UTS2B: variants seen among roughly 807,000 people sequenced by gnomAD.
The protein encoded by UTS2B is urotensin-2B.
Under a neutral mutation model 19.2 loss-of-function variants are expected in UTS2B, and 21 were observed. The observed-to-expected ratio is 1.09, with a 90% CI of 0.78 to 1.58. The LOEUF is 1.58. Among genes scored for constraint, UTS2B ranks in the 40% most tolerant of loss-of-function variants. The pLI, the probability that UTS2B is intolerant of heterozygous loss-of-function variation, is 0.00. For synonymous variants in UTS2B, 57 were observed against 50.2 expected (o/e 1.14, Z -0.58); for missense variants, 138 against 130.3 (o/e 1.06, Z -0.29).
chr3:191,336,660 CT>C, the UTS2B span, among the ~76,000 whole-genome samples: 1 of 152,266 alleles, frequency 6.6e-6, no homozygotes, highest in South Asian at 2.1e-4. Flanking sequence ...CCTAGCCCTA[CT>C]TGATATTAGC....
chr3:191,285,162 C>T (rs982286188), intron 4 of UTS2B, among the ~76,000 whole-genome samples: 27 of 152,064 alleles, frequency 1.8e-4, no homozygotes, highest in Non-Finnish European at 3.7e-4. Flanking sequence ...AAGGAATACA[C>T]AATATAAAAT....
chr3:191,335,939 C>T, the UTS2B span, among the ~76,000 whole-genome samples: 1 of 151,104 alleles, frequency 6.6e-6, no homozygotes, highest in African/African-American at 2.4e-5. Context: ...TTTCATGCCC[C>T]CACCAGCCAC....
At chr3:191,329,461 C>T (rs1343151384) in intron 1 of UTS2B, 3 of 471,990 alleles carry the variant, frequency 6.4e-6, no homozygotes, top group Non-Finnish European at 1.1e-5. Context: ...CGCGGCGGGG[C>T]AGCTGGGCCG....
At chr3:191,314,349 C>T (rs1007050555) in intron 3 of UTS2B, among the ~76,000 whole-genome samples, 10 of 152,142 alleles carry the variant, frequency 6.6e-5, no homozygotes, top group African/African-American at 2.4e-4. Flanking sequence ...GGTCAGCAGT[C>T]GTGCATTCTA....
At chr3:191,320,172 A>T (rs904157711) in intron 2 of UTS2B, among the ~76,000 whole-genome samples, 1 of 152,182 alleles carries the variant, frequency 6.6e-6, no homozygotes, top group African/African-American at 2.4e-5. Context: ...ATGGAATGAC[A>T]GATTGGATTG....
intron 4 of UTS2B, among the ~76,000 whole-genome samples, chr3:191,285,991 G>A (rs927827292): frequency 6.6e-6 from 1 of 152,108 alleles, no homozygotes; most frequent in African/African-American, 2.4e-5. Context: ...GCTTATATCA[G>A]ATAAAATAGA....
chr3:191,333,605 T>C (rs746265188), upstream of UTS2B, among the ~76,000 whole-genome samples: 1 of 152,194 alleles, frequency 6.6e-6, no homozygotes, highest in African/African-American at 2.4e-5. Flanking sequence ...GGTTTATGTC[T>C]TAGTTATCTT....
intron 3 of UTS2B, among the ~76,000 whole-genome samples, chr3:191,311,857 T>C (rs769535235): frequency 1.1e-4 from 16 of 152,082 alleles, no homozygotes; most frequent in African/African-American, 3.6e-4. Flanking sequence ...TTTGACATCT[T>C]GGCCAAGTGC....
At chr3:191,306,977 T>G (rs1265710197) in intron 3 of UTS2B, among the ~76,000 whole-genome samples, 2 of 152,166 alleles carry the variant, frequency 1.3e-5, no homozygotes, top group Non-Finnish European at 2.9e-5. Flanking sequence ...ATTTTCTCAT[T>G]AACTAACCCC....
chr3:191,268,269 C>T lies in UTS2B; in HGVS notation c.*147G>A, dbSNP rs947132521. ...ACCTGGCATTGTCTTTACACAATCC[C>T]GCATGCAATTTTGTATTTACAATAA... On this transcript the variant is annotated 3_prime_UTR_variant, in exon 9 of 9. Transcript: ENST00000340524. 16 of 604,386 alleles carry T rather than the reference C, an allele frequency of 2.6e-5. No homozygotes were observed. Among genetic ancestry groups the T allele is most frequent in the African/African-American group, 5.7e-5 (3 of 52,730 alleles). The allele number at this position is 604,386 out of a possible 1,614,324, so 37.4% of individuals were successfully genotyped here.
the UTS2B span, among the ~76,000 whole-genome samples, chr3:191,337,558 T>C: frequency 6.6e-6 from 1 of 152,114 alleles, no homozygotes; most frequent in East Asian, 1.9e-4. Flanking sequence ...TTGGCCCGGC[T>C]GGTCTCAAAC....
intron 4 of UTS2B, among the ~76,000 whole-genome samples, chr3:191,283,835 C>T (rs1037604523): frequency 2.0e-5 from 3 of 152,140 alleles, no homozygotes; most frequent in Admixed American, 2.0e-4. Context: ...CTTATTCTTC[C>T]ATAGCATTTC....
chr3:191,308,657 C>G (rs751741986), intron 3 of UTS2B, among the ~76,000 whole-genome samples: 9 of 152,096 alleles, frequency 5.9e-5, no homozygotes, highest in Non-Finnish European at 1.3e-4. Context: ...TTCTGACAGC[C>G]AAAAATGTCT....
chr3:191,291,545 T>C (rs915053677), intron 4 of UTS2B, among the ~76,000 whole-genome samples: 16 of 152,124 alleles, frequency 1.1e-4, no homozygotes, highest in Admixed American at 3.9e-4. Context: ...CTCCACCACC[T>C]GGGTTCATGC....
chr3:191,312,935 AT>A (rs1166585684), intron 3 of UTS2B, among the ~76,000 whole-genome samples: 1 of 151,976 alleles, frequency 6.6e-6, no homozygotes, highest in Non-Finnish European at 1.5e-5. Context: ...ACAAGGTGAT[AT>A]TTTCTTTGCA....
At chr3:191,289,927 A>G (rs894554117) in intron 4 of UTS2B, among the ~76,000 whole-genome samples, 4 of 152,226 alleles carry the variant, frequency 2.6e-5, no homozygotes, top group African/African-American at 9.6e-5. Flanking sequence ...AAATCACTAA[A>G]GAAGTAAATT....
chr3:191,329,750 G>T, intron 1 of UTS2B: 1 of 1,601,164 alleles, frequency 6.2e-7, no homozygotes, highest in East Asian at 2.3e-5. Context: ...GAGAGCGCGC[G>T]GGACCCTCCC....
intron 5 of UTS2B, among the ~76,000 whole-genome samples, chr3:191,281,284 G>C (rs1345473312): frequency 9.9e-5 from 15 of 152,102 alleles, no homozygotes; most frequent in Non-Finnish European, 2.9e-5. Flanking sequence ...AAAGGTATTA[G>C]AGAACATTAC....
At chr3:191,301,143 G>A (rs1716987693) in intron 4 of UTS2B, among the ~76,000 whole-genome samples, 1 of 152,080 alleles carries the variant, frequency 6.6e-6, no homozygotes, top group African/African-American at 2.4e-5. Context: ...TCTTTAGGTG[G>A]ATTTTAGCTG....
Sources: gnomAD v4.1 joint callset for allele counts (sites outside exome capture counted in the v4.1 genomes callset) on GRCh38, gnomAD v4.1.1 for gene constraint, MANE v1.5 for transcripts, NCBI Gene and HGNC (gene_info 2026-07-23, HGNC 2026-07-21) for gene names.